Variants in TRAPPC9 observed in about 807,000 individuals in gnomAD.
TRAPPC9 encodes the protein trafficking protein particle complex subunit 9.
In TRAPPC9, 83 loss-of-function variants were observed where a neutral mutation model predicts 124.0. That is an observed-to-expected ratio of 0.67 (90% CI 0.56 to 0.80). The LOEUF (loss-of-function observed/expected upper bound fraction) is 0.80. Among genes scored for constraint, TRAPPC9 ranks in the 30% least tolerant of loss-of-function variants. TRAPPC9 has a pLI of 0.00. For missense variants in TRAPPC9, 1,302 were observed against 1,508.3 expected (o/e 0.86, Z 2.27); for synonymous variants, 638 against 617.5 (o/e 1.03, Z -0.49).
chr8:139,901,624 T>C (rs1831027326), intron 20 of TRAPPC9, among the ~76,000 whole-genome samples: 1 of 152,190 alleles, frequency 6.6e-6, no homozygotes, highest in African/African-American at 2.4e-5. Context: ...GAGCTCTGCA[T>C]GGGGCGATGG....
At chr8:139,970,178 G>A (rs1362885423) in intron 19 of TRAPPC9, among the ~76,000 whole-genome samples, 1 of 152,152 alleles carries the variant, frequency 6.6e-6, no homozygotes, top group Non-Finnish European at 1.5e-5. Flanking sequence ...TCGGAAACAG[G>A]CGCCAGCGAT....
At chr8:139,782,057 T>TA (rs1290830637) in intron 21 of TRAPPC9, among the ~76,000 whole-genome samples, 9 of 152,184 alleles carry the variant, frequency 5.9e-5, no homozygotes, top group African/African-American at 1.9e-4. Flanking sequence ...ACTTTAAGTG[T>TA]AAAAAAATAA....
chr8:140,135,895 G>T (rs149517725), intron 17 of TRAPPC9, among the ~76,000 whole-genome samples: 1 of 152,340 alleles, frequency 6.6e-6, no homozygotes, highest in African/African-American at 2.4e-5. Context: ...AAGGTGGTGG[G>T]AGCCTGGCTT....
chr8:139,892,357 T>C (rs1161987931), intron 20 of TRAPPC9, among the ~76,000 whole-genome samples: 1 of 152,138 alleles, frequency 6.6e-6, no homozygotes, highest in Admixed American at 6.5e-5. Flanking sequence ...CAGCTGCCTC[T>C]CTCTGGAGAG....
At position 139,821,770 on chromosome 8, in the gene TRAPPC9, C is replaced by T. The variant is rs118144265; in HGVS notation, c.3055+64109G>A. Among the ~76,000 whole-genome samples, 391 of 152,350 alleles carry T rather than the reference C, an allele frequency of 2.6e-3. 2 individuals carry two copies. Among genetic ancestry groups the T allele is most frequent in the Middle Eastern group, 0.01 (3 of 294 alleles). ...CTCCATGACGGTCCAGCCACCACTGCGCACGGGACCCGTGAGCTTGTTAAG... is the reference window on the plus strand; with the variant it reads ...CTCCATGACGGTCCAGCCACCACTGTGCACGGGACCCGTGAGCTTGTTAAG... On this transcript the variant is annotated intron_variant, in intron 21 of 22. Coordinates refer to ENST00000438773, the MANE Select transcript of TRAPPC9 (RefSeq NM_001160372.4).
rs991185571 is a variant in TRAPPC9 at position 140,175,360 on chromosome 8, G to A, written c.2556+46099C>T. ...ACAAGCAGACATTGGCATAAGAGACGCCACAGCAGTTTCCAGGCTTCTACC... is the reference window on the plus strand; with the variant it reads ...ACAAGCAGACATTGGCATAAGAGACACCACAGCAGTTTCCAGGCTTCTACC... On this transcript the variant is annotated intron_variant, in intron 17 of 22. Coordinates refer to ENST00000438773, the MANE Select transcript of TRAPPC9 (RefSeq NM_001160372.4). Among the ~76,000 whole-genome samples the A allele has an allele frequency of 4.0e-5, 6 of 151,718 alleles. No individual in the cohort carries two copies. The South Asian group carries it at 6.3e-4, about 16-fold the overall frequency.
At chr8:140,113,755 T>A (rs1199100000) in intron 17 of TRAPPC9, among the ~76,000 whole-genome samples, 1 of 152,172 alleles carries the variant, frequency 6.6e-6, no homozygotes, top group East Asian at 1.9e-4. Context: ...CGCAAGCCCA[T>A]GTGAGTAGAA....
At chr8:140,426,561 G>A in intron 5 of TRAPPC9, 54 bp downstream of exon 5, 3 of 1,552,314 alleles carry the variant, frequency 1.9e-6, no homozygotes, top group Non-Finnish European at 2.7e-6. Flanking sequence ...ACATCACCAT[G>A]AAACAAGCAC....
intron 19 of TRAPPC9, among the ~76,000 whole-genome samples, chr8:139,980,827 C>T (rs574718006): frequency 5.9e-5 from 9 of 152,144 alleles, no homozygotes; most frequent in Non-Finnish European, 1.3e-4. Context: ...AGGAGCCACA[C>T]GCCCCCCACC....
At chr8:139,834,369 G>A (rs759409576) in intron 21 of TRAPPC9, among the ~76,000 whole-genome samples, 5 of 152,348 alleles carry the variant, frequency 3.3e-5, no homozygotes, top group East Asian at 1.9e-4. Flanking sequence ...GGGCTGTGTC[G>A]GGAGCAGTGA....
intron 7 of TRAPPC9, among the ~76,000 whole-genome samples, chr8:140,375,560 C>A (rs2068412672): frequency 6.6e-6 from 1 of 152,164 alleles, no homozygotes. Flanking sequence ...TCCTGAGTTC[C>A]AGGGCCACAT....
In TRAPPC9 at chr8:140,193,100, A is replaced by G. The variant is rs74712353; in HGVS notation, c.2556+28359T>C. Reference sequence around the variant, plus strand: ...TGGCTGTTTAAATCTTGCAGAAGTAAAACAAGTATTTCACTGGGGAAAGAC... The same window carrying G: ...TGGCTGTTTAAATCTTGCAGAAGTAGAACAAGTATTTCACTGGGGAAAGAC... On this transcript the variant is annotated intron_variant, in intron 17 of 22. Transcript: ENST00000438773. Among the ~76,000 whole-genome samples the G allele has an allele frequency of 2.9e-3, 440 of 152,342 alleles. 1 individual carries two copies. Among genetic ancestry groups the G allele is most frequent in the Non-Finnish European group, 4.7e-3 (320 of 68,032 alleles).
intron 7 of TRAPPC9, among the ~76,000 whole-genome samples, chr8:140,392,008 A>G (rs1157795897): frequency 2.0e-5 from 3 of 146,782 alleles, no homozygotes; most frequent in African/African-American, 7.8e-5. Context: ...CCTGGGCTAC[A>G]AGAGTGAAAC....
intron 21 of TRAPPC9, among the ~76,000 whole-genome samples, chr8:139,787,592 A>G (rs1822354341): frequency 6.6e-6 from 1 of 152,250 alleles, no homozygotes; most frequent in Non-Finnish European, 1.5e-5. Flanking sequence ...AAATGAACCA[A>G]GCTAAGGACG....
chr8:140,076,166 T>C (rs1481943818), intron 17 of TRAPPC9, among the ~76,000 whole-genome samples: 2 of 152,210 alleles, frequency 1.3e-5, no homozygotes. Flanking sequence ...ATAGCAGCAC[T>C]GTGACGAGTC....
intron 21 of TRAPPC9, among the ~76,000 whole-genome samples, chr8:139,878,290 CT>C: frequency 6.6e-6 from 1 of 152,276 alleles, no homozygotes; most frequent in Middle Eastern, 3.4e-3. Context: ...AGGATCATCC[CT>C]ATGGACAAAA....
At chr8:139,843,121 G>A (rs1261642382) in intron 21 of TRAPPC9, among the ~76,000 whole-genome samples, 1 of 152,236 alleles carries the variant, frequency 6.6e-6, no homozygotes, top group Non-Finnish European at 1.5e-5. Context: ...CCTGGCATAT[G>A]GTGGGCACTC....
chr8:139,807,745 T>C (rs1824169053), intron 21 of TRAPPC9, among the ~76,000 whole-genome samples: 1 of 152,148 alleles, frequency 6.6e-6, no homozygotes, highest in African/African-American at 2.4e-5. Context: ...ACAGAGGTTG[T>C]TAATAGCCTT....
In TRAPPC9 at chr8:140,257,487, AGC is replaced by A. The variant is rs147997278; in HGVS notation, c.2279-4560_2279-4559del. ...TTGAAAAGAAGCCTCCCCAGACAGG[AGC>A]CCAGGAGTGGGAAAAAGGACCCCGT... On this transcript the variant is annotated intron_variant, in intron 15 of 22. Transcript: ENST00000438773. This position sits in a 1 kb window ranked among gnomAD's most constrained non-coding sequence, Gnocchi z 4.6. Among the ~76,000 whole-genome samples the A allele has an allele frequency of 0.22, 33,694 of 152,056 alleles. 4,037 individuals carry two copies. The highest frequency in any genetic ancestry group is 0.31 in the African/African-American group (12,814 of 41,424).
Sources: allele counts gnomAD v4.1 joint callset (sites outside exome capture counted in the v4.1 genomes callset), GRCh38; gene constraint gnomAD v4.1.1; non-coding constraint Gnocchi (gnomAD v3.1); transcripts MANE v1.5; gene names NCBI Gene and HGNC (gene_info 2026-07-23, HGNC 2026-07-21).